LOC400499: variants seen among roughly 807,000 people sequenced by gnomAD.
At chr16:11,487,435 G>A in the LOC400499 span, 1 of 398,444 alleles carries the variant, frequency 2.5e-6, no homozygotes, top group African/African-American at 2.1e-5. Context: ...TCACAGAGTG[G>A]GGTCTGGCTA....
chr16:11,381,352 C>T, the LOC400499 span, among the ~76,000 whole-genome samples: 2 of 152,184 alleles, frequency 1.3e-5, no homozygotes, highest in African/African-American at 4.8e-5. Flanking sequence ...AATCTCGCCT[C>T]AGCCTCCCAA....
chr16:11,395,502 C>T, the LOC400499 span, among the ~76,000 whole-genome samples: 2,826 of 152,200 alleles, frequency 0.019, 90 homozygotes, highest in African/African-American at 0.065. Flanking sequence ...CAGTCAGTCC[C>T]GGAGAACAAG....
At chr16:11,466,044 A>G in the LOC400499 span, among the ~76,000 whole-genome samples, 1 of 152,258 alleles carries the variant, frequency 6.6e-6, no homozygotes, top group Admixed American at 6.5e-5. Flanking sequence ...AAAAAACTCA[A>G]GAGTCCTTCA....
At chr16:11,473,776 C>T in the LOC400499 span, among the ~76,000 whole-genome samples, 1 of 147,990 alleles carries the variant, frequency 6.8e-6, no homozygotes, top group Non-Finnish European at 1.5e-5. Context: ...AAAAGTTATG[C>T]GATATGTCAA....
the LOC400499 span, among the ~76,000 whole-genome samples, chr16:11,465,038 C>T: frequency 2.6e-4 from 40 of 152,324 alleles, no homozygotes; most frequent in African/African-American, 8.7e-4. Context: ...CATCCAGCTC[C>T]GGCTTCAGAT....
chr16:11,526,396 T>C, the LOC400499 span, among the ~76,000 whole-genome samples: 1 of 152,186 alleles, frequency 6.6e-6, no homozygotes, highest in Non-Finnish European at 1.5e-5. Flanking sequence ...CAAAAAATAT[T>C]TTTTAAAGAA....
the LOC400499 span, among the ~76,000 whole-genome samples, chr16:11,505,655 C>T: frequency 0.066 from 9,929 of 151,348 alleles, 893 homozygotes; most frequent in African/African-American, 0.2. Flanking sequence ...CCTGTGTTGC[C>T]CAGGCTGGTC....
chr16:11,384,956 T>C, the LOC400499 span: 1 of 1,232,188 alleles, frequency 8.1e-7, no homozygotes, highest in Admixed American at 4.2e-5. Context: ...AGACACCCCG[T>C]CCTCGCTGGC....
the LOC400499 span, among the ~76,000 whole-genome samples, chr16:11,382,370 T>C: frequency 6.6e-6 from 1 of 152,186 alleles, no homozygotes; most frequent in South Asian, 2.1e-4. Flanking sequence ...TCTGAAGCTC[T>C]TGGAAGCCTA....
At chr16:11,383,522 C>T in the LOC400499 span, 1 of 1,106,174 alleles carries the variant, frequency 9.0e-7, no homozygotes, top group Non-Finnish European at 1.1e-6. Context: ...TGTTGTGACT[C>T]TTAGCTCCTT....
the LOC400499 span, chr16:11,462,206 A>T: frequency 3.9e-6 from 6 of 1,534,918 alleles, no homozygotes; most frequent in Admixed American, 1.2e-4. Flanking sequence ...GTTCCCGGTG[A>T]AGACGACGGG....
At chr16:11,389,300 G>C in the LOC400499 span, among the ~76,000 whole-genome samples, 1 of 152,212 alleles carries the variant, frequency 6.6e-6, no homozygotes, top group African/African-American at 2.4e-5. Context: ...ATAGCTCAGG[G>C]GTGGTAAATG....
At chr16:11,457,139 T>C in the LOC400499 span, 5 of 1,148,956 alleles carry the variant, frequency 4.4e-6, no homozygotes, top group South Asian at 6.4e-5. Flanking sequence ...AAGATTGCAC[T>C]ACTGCACTCC....
the LOC400499 span, among the ~76,000 whole-genome samples, chr16:11,406,761 T>C: frequency 6.6e-6 from 1 of 152,238 alleles, no homozygotes; most frequent in African/African-American, 2.4e-5. Flanking sequence ...GGCTGGTGCT[T>C]ATCATCCACC....
chr16:11,375,951 C>T, the LOC400499 span, among the ~76,000 whole-genome samples: 1 of 152,092 alleles, frequency 6.6e-6, no homozygotes, highest in African/African-American at 2.4e-5. Flanking sequence ...CATGTTGAGG[C>T]TGGTCTCGAA....
the LOC400499 span, chr16:11,460,971 G>C: frequency 6.5e-7 from 1 of 1,534,412 alleles, no homozygotes; most frequent in Admixed American, 2.0e-5. Flanking sequence ...TACCCAGGAG[G>C]CTGTACTGGA....
chr16:11,514,458 A>G, the LOC400499 span: 4 of 399,002 alleles, frequency 1.0e-5, no homozygotes, highest in Admixed American at 4.4e-5. Context: ...GGCCCCGCGG[A>G]GTCCAGCTCT....
the LOC400499 span, among the ~76,000 whole-genome samples, chr16:11,499,986 C>T: frequency 6.6e-6 from 1 of 152,182 alleles, no homozygotes; most frequent in African/African-American, 2.4e-5. Context: ...TTCATAGAGA[C>T]ACCTCAAGGG....
chr16:11,514,708 C>T, the LOC400499 span, among the ~76,000 whole-genome samples: 3 of 152,106 alleles, frequency 2.0e-5, no homozygotes, highest in Non-Finnish European at 1.5e-5. Flanking sequence ...CCTGCGTCAC[C>T]CACCCCTGGC....
Sources: allele counts gnomAD v4.1 joint callset (sites outside exome capture counted in the v4.1 genomes callset), GRCh38; gene constraint gnomAD v4.1.1; transcripts MANE v1.5.